The following MGAT5 variants were observed in gnomAD, a reference collection of about 807,000 sequenced individuals.
The protein encoded by MGAT5 is alpha-1,6-mannosylglycoprotein 6-beta-N-acetylglucosaminyltransferase A.
A neutral mutation model predicts 94.3 loss-of-function variants in MGAT5; 30 were observed. The ratio of observed to expected loss-of-function variants is 0.32; its 90% confidence interval spans 0.24 to 0.43. The LOEUF (loss-of-function observed/expected upper bound fraction) is 0.43, where lower values mean the gene tolerates loss of function less well. MGAT5 is among the 20% of genes least tolerant of loss of function. The pLI is 1.00. For synonymous variants in MGAT5, 310 were observed against 322.9 expected, an observed-to-expected ratio of 0.96 and a Z score of 0.43; for missense variants, 691 against 905.5, an observed-to-expected ratio of 0.76 and a Z score of 3.04.
chr2:134,360,418 A>G (rs1680011158), intron 9 of MGAT5, among the ~76,000 whole-genome samples: 1 of 152,178 alleles, frequency 6.6e-6, no homozygotes, highest in African/African-American at 2.4e-5. Flanking sequence ...TATAACATGA[A>G]ATAAAACCCA....
At chr2:134,244,509 ATG>A (rs1682133600) in intron 1 of MGAT5, among the ~76,000 whole-genome samples, 1 of 152,160 alleles carries the variant, frequency 6.6e-6, no homozygotes, top group Non-Finnish European at 1.5e-5. Context: ...TGTGGAGAAA[ATG>A]AGACTCATTT....
chr2:134,156,406 G>T (rs1418680013), intron 1 of MGAT5, among the ~76,000 whole-genome samples: 1 of 152,066 alleles, frequency 6.6e-6, no homozygotes, highest in Non-Finnish European at 1.5e-5. Flanking sequence ...ATTCTTCTTA[G>T]GTCTGTGTGA....
intron 1 of MGAT5, among the ~76,000 whole-genome samples, chr2:134,180,181 A>G (rs1252345963): frequency 6.6e-6 from 1 of 152,228 alleles, no homozygotes; most frequent in Non-Finnish European, 1.5e-5. Context: ...TACTCAGTCC[A>G]GCAGCCCATG....
intron 1 of MGAT5, among the ~76,000 whole-genome samples, chr2:134,138,734 C>T (rs763232534): frequency 2.0e-5 from 3 of 152,136 alleles, no homozygotes; most frequent in Admixed American, 2.0e-4. Context: ...ACCGGACAAA[C>T]GTGAAACTTA....
In MGAT5 at chr2:134,254,299, G is replaced by C; in HGVS notation, c.-105G>C. 7.0e-7 allele frequency: 1 copy of C among 1,422,364 alleles called. No individual in the cohort carries two copies. The highest frequency in any genetic ancestry group is 1.4e-5 in the South Asian group (1 of 73,798). The allele number at this position is 1,422,364 out of a possible 1,614,324, so 88.1% of individuals were successfully genotyped here. ...GAGGAAAGGCAACCAGCTGACACAG[G>C]AGCCAGAGTGAGACCAGCAGACTCT... On this transcript the variant is annotated 5_prime_UTR_variant, in exon 1 of 16. Coordinates refer to ENST00000281923, the MANE Select transcript of MGAT5 (RefSeq NM_002410.5).
intron 1 of MGAT5, among the ~76,000 whole-genome samples, chr2:134,247,148 T>A (rs924854601): frequency 6.6e-6 from 1 of 152,164 alleles, no homozygotes; most frequent in Admixed American, 6.5e-5. Context: ...TTGCTTTTAA[T>A]GTAAATTGAG....
At position 134,123,420 on chromosome 2, in the gene MGAT5, C is replaced by A. The variant is rs138686352; in HGVS notation, c.-143+3129C>A. Among the ~76,000 whole-genome samples, 484 of 152,340 alleles carry A rather than the reference C, an allele frequency of 3.2e-3. 3 individuals carry two copies. Among genetic ancestry groups the A allele is most frequent in the Middle Eastern group, 0.014 (4 of 294 alleles). On this transcript the variant is annotated intron_variant, in intron 1 of 16. Coordinates refer to the MGAT5 transcript ENST00000409645. ...GTGTAGAAAACTGCAGAGCAGTCAT[C>A]TGTAAGATCTGGGTTGGAAAGTTTA... is the stretch of plus-strand genomic sequence containing the variant.
At chr2:134,252,232 G>A (rs1417463233), upstream of MGAT5, among the ~76,000 whole-genome samples, 2 of 152,130 alleles carry the variant, frequency 1.3e-5, no homozygotes, top group Admixed American at 6.5e-5. Flanking sequence ...ATAATAGAGA[G>A]CACTCATGTG....
intron 12 of MGAT5, among the ~76,000 whole-genome samples, chr2:134,420,878 T>C (rs1048589367): frequency 1.3e-5 from 2 of 152,250 alleles, no homozygotes; most frequent in African/African-American, 2.4e-5. Flanking sequence ...TTCAGTATTA[T>C]GGAATCAAGA....
Position 134,134,976 on chromosome 2 carries a change from A to C in MGAT5, c.-143+14685A>C, listed in dbSNP as rs79900376. On this transcript the variant is annotated intron_variant, in intron 1 of 16. Transcript: ENST00000409645. ...AGGAAATTTACCATTTTGGAAACTC[A>C]TGTTACCTGTAGAATTAGCACATCA... Among the ~76,000 whole-genome samples, 367 of 152,364 alleles carry C rather than the reference A, an allele frequency of 2.4e-3. 4 individuals carry two copies. Among genetic ancestry groups the C allele is most frequent in the African/African-American group, 8.4e-3 (348 of 41,572 alleles).
chr2:134,389,990 A>G (rs1682298858), intron 10 of MGAT5, among the ~76,000 whole-genome samples: 1 of 151,996 alleles, frequency 6.6e-6, no homozygotes, highest in Non-Finnish European at 1.5e-5. Flanking sequence ...CTTTTTCCCA[A>G]TCCTTCCTGC....
intron 2 of MGAT5, among the ~76,000 whole-genome samples, chr2:134,285,422 A>G (rs899189547): frequency 6.6e-5 from 10 of 152,274 alleles, no homozygotes; most frequent in African/African-American, 2.2e-4. Context: ...TTCTACTACA[A>G]AGATCATTGT....
At chr2:134,226,968 ATTTT>A (rs33946190) in intron 1 of MGAT5, among the ~76,000 whole-genome samples, 8 of 143,122 alleles carry the variant, frequency 5.6e-5, no homozygotes, top group African/African-American at 1.8e-4. Flanking sequence ...AGATAGTCCT[ATTTT>A]TTTTTTTTTT....
At chr2:134,193,681 G>C (rs1216301383) in intron 1 of MGAT5, among the ~76,000 whole-genome samples, 1 of 96,608 alleles carries the variant, frequency 1.0e-5, no homozygotes, top group Non-Finnish European at 1.9e-5. Flanking sequence ...ATCTTTGTGT[G>C]TGTGTGTGTG....
At chr2:134,319,385 G>C (rs1197250073) in intron 4 of MGAT5, among the ~76,000 whole-genome samples, 1 of 152,010 alleles carries the variant, frequency 6.6e-6, no homozygotes, top group Non-Finnish European at 1.5e-5. Flanking sequence ...ATTCAGCTTG[G>C]GTTAGGTATA....
chr2:134,392,028 C>T (rs982928453), intron 10 of MGAT5, among the ~76,000 whole-genome samples: 3 of 152,214 alleles, frequency 2.0e-5, no homozygotes, highest in East Asian at 1.9e-4. Flanking sequence ...TAGGGTGTGT[C>T]GTGTTGGCAT....
Position 134,342,199 on chromosome 2 carries a change from G to A in MGAT5, c.977+440G>A, listed in dbSNP as rs145968648. Among the ~76,000 whole-genome samples, 4 of 152,294 alleles carry A rather than the reference G, an allele frequency of 2.6e-5. No individual in the cohort carries two copies. In the East Asian group the frequency reaches 7.7e-4, roughly 29 times the overall value. On this transcript the variant is annotated intron_variant, in intron 7 of 15. Coordinates refer to ENST00000281923, the MANE Select transcript of MGAT5 (RefSeq NM_002410.5). ...ATAAATTTCCTGAAAGCCCTGAGCT[G>A]ATCCTTTTTCAATTAGCCAACTTTC... is the stretch of plus-strand genomic sequence containing the variant.
chr2:134,306,453 A>G (rs1172542771), intron 2 of MGAT5, among the ~76,000 whole-genome samples: 1 of 152,182 alleles, frequency 6.6e-6, no homozygotes, highest in East Asian at 1.9e-4. Flanking sequence ...CCCACCAAGC[A>G]TTGTGACAAA....
chr2:134,413,070 T>C (rs940291089), intron 12 of MGAT5, 55 bp downstream of exon 12: 34 of 1,593,560 alleles, frequency 2.1e-5, no homozygotes, highest in African/African-American at 1.2e-4. Flanking sequence ...TAGCTATTTA[T>C]TGAGTGCTCA....
Sources: allele counts gnomAD v4.1 joint callset (sites outside exome capture counted in the v4.1 genomes callset), GRCh38; gene constraint gnomAD v4.1.1; transcripts MANE v1.5; gene names NCBI Gene and HGNC (gene_info 2026-07-23, HGNC 2026-07-21).